ARMC9: variants seen among roughly 807,000 people sequenced by gnomAD.
ARMC9 encodes armadillo repeat containing 9, also known as lisH domain-containing protein ARMC9.
In ARMC9, 94 loss-of-function variants were observed where a neutral mutation model predicts 107.0. The ratio of observed to expected loss-of-function variants is 0.88; its 90% confidence interval spans 0.74 to 1.04. ARMC9 has a LOEUF of 1.04. Among genes scored for constraint, ARMC9 ranks in the 50% least tolerant of loss-of-function variants. The pLI is 0.00. For missense variants in ARMC9, 942 were observed against 1,030.1 expected (o/e 0.91, Z 1.17); for synonymous variants, 380 against 396.9 (o/e 0.96, Z 0.51).
chr2:231,370,889 C>T (rs564745022), intron 24 of ARMC9, among the ~76,000 whole-genome samples: 7 of 152,362 alleles, frequency 4.6e-5, no homozygotes, highest in East Asian at 1.9e-4. Context: ...TTAGGATATG[C>T]GCATTTCTTT....
chr2:231,250,987 G>A (rs554902979), intron 9 of ARMC9, among the ~76,000 whole-genome samples: 1 of 152,250 alleles, frequency 6.6e-6, no homozygotes, highest in African/African-American at 2.4e-5. Context: ...CTCAGTAAAT[G>A]TCAGTGAGTA....
intron 19 of ARMC9, among the ~76,000 whole-genome samples, chr2:231,308,783 C>T (rs1407414134): frequency 6.6e-6 from 1 of 152,168 alleles, no homozygotes; most frequent in East Asian, 1.9e-4. Flanking sequence ...TCTCTTCGGC[C>T]ACCTTCATAC....
chr2:231,318,714 T>G (rs2042840788), intron 19 of ARMC9, among the ~76,000 whole-genome samples: 1 of 152,228 alleles, frequency 6.6e-6, no homozygotes. Context: ...CTGCCATTGG[T>G]CATTTTCCAG....
At chr2:231,279,680 T>G (rs997465102) in intron 16 of ARMC9, among the ~76,000 whole-genome samples, 17 of 151,866 alleles carry the variant, frequency 1.1e-4, no homozygotes, top group Admixed American at 3.3e-4. Flanking sequence ...CTGGCTAATT[T>G]TTTGTATTTT....
chr2:231,209,009 C>G (rs1366885735), intron 3 of ARMC9, among the ~76,000 whole-genome samples: 1 of 152,098 alleles, frequency 6.6e-6, no homozygotes, highest in African/African-American at 2.4e-5. Flanking sequence ...TCAAGCGATT[C>G]TCCTGCCTCA....
At chr2:231,368,075 A>G in intron 23 of ARMC9, among the ~76,000 whole-genome samples, 1 of 152,286 alleles carries the variant, frequency 6.6e-6, no homozygotes, top group South Asian at 2.1e-4. Context: ...TTTGAACCAA[A>G]TAATTTTAAA....
intron 17 of ARMC9, among the ~76,000 whole-genome samples, chr2:231,283,325 A>G (rs1268816959): frequency 6.6e-6 from 1 of 152,246 alleles, no homozygotes; most frequent in Non-Finnish European, 1.5e-5. Flanking sequence ...ACGTAACAGT[A>G]AGGTGTCTAG....
chr2:231,352,665 A>G (rs146005009), intron 21 of ARMC9, among the ~76,000 whole-genome samples: 2 of 7,564 alleles, frequency 2.6e-4, no homozygotes, highest in African/African-American at 3.0e-3. Context: ...TTCACAGGAT[A>G]GATAGATAGA....
intron 18 of ARMC9, 174 bp from the exon 19 acceptor site, chr2:231,296,024 G>A: frequency 2.3e-6 from 1 of 430,150 alleles, no homozygotes; most frequent in Non-Finnish European, 4.1e-6. Context: ...AATTGCTTAG[G>A]ATGATCTCAG....
At chr2:231,248,274 C>T (rs1288377722) in intron 9 of ARMC9, among the ~76,000 whole-genome samples, 1 of 152,174 alleles carries the variant, frequency 6.6e-6, no homozygotes, top group Admixed American at 6.5e-5. Context: ...CCATAGTTCC[C>T]TCTTGGCTTA....
chr2:231,201,370 C>CA (rs530997194), intron 1 of ARMC9, among the ~76,000 whole-genome samples: 173 of 152,364 alleles, frequency 1.1e-3, no homozygotes, highest in African/African-American at 3.8e-3. Flanking sequence ...TTGGAGCCTC[C>CA]AGCACCCGGC....
rs554741559 is a variant in ARMC9 at position 231,246,532 on chromosome 2, C to T, written c.879+6491C>T. On this transcript the variant is annotated intron_variant, in intron 9 of 24. Transcript: ENST00000611582. Reference sequence around the variant, plus strand: ...CATCCATGTTGCTACAAAGGACATGCTTTTGTTCTTTTTTATGGTTTCGTA... The same window carrying T: ...CATCCATGTTGCTACAAAGGACATGTTTTTGTTCTTTTTTATGGTTTCGTA... Among the ~76,000 whole-genome samples the T allele has an allele frequency of 2.6e-5, 4 of 152,236 alleles. No homozygotes were observed. In the East Asian group the frequency reaches 7.7e-4, roughly 29 times the overall value.
At chr2:231,330,213 A>G (rs1043772128) in intron 19 of ARMC9, among the ~76,000 whole-genome samples, 3 of 143,614 alleles carry the variant, frequency 2.1e-5, no homozygotes, top group Non-Finnish European at 4.5e-5. Context: ...TAGCGTGTTC[A>G]ATTTTCTTTT....
At chr2:231,265,103 A>G (rs2038736414) in intron 12 of ARMC9, among the ~76,000 whole-genome samples, 1 of 152,114 alleles carries the variant, frequency 6.6e-6, no homozygotes, top group East Asian at 1.9e-4. Flanking sequence ...TCTCAAAAAA[A>G]AAAAAGAAGA....
At chr2:231,316,812 G>T (rs906759013) in intron 19 of ARMC9, among the ~76,000 whole-genome samples, 1 of 152,120 alleles carries the variant, frequency 6.6e-6, no homozygotes, top group Non-Finnish European at 1.5e-5. Context: ...ACCCAAGCTG[G>T]AGTACAGTGG....
rs770225857 is a variant in ARMC9, at chr2:231,350,946, C to CTTTTTTTTTTTTTTTTTTT, written c.1995-4840_1995-4822dup. Among the ~76,000 whole-genome samples, 4 of 50,598 alleles carry CTTTTTTTTTTTTTTTTTTT rather than the reference C, an allele frequency of 7.9e-5. 1 individual carries two copies. The highest frequency in any genetic ancestry group is 4.0e-4 in the African/African-American group (4 of 10,074). 33.2% of individuals were successfully genotyped at this position (50,598 alleles called of 152,430 possible). A position where few individuals can be genotyped will look rare whatever the true frequency, so the allele number is the denominator to read the frequency against. The stretch of plus-strand genomic sequence containing the variant: ...ATCCTATTTGCACAAAGTGACAATT[C>CTTTTTTTTTTTTTTTTTTT]TTTTTTTTTTTTTTTTTTTTTTTTT... On this transcript the variant is annotated intron_variant, in intron 21 of 24. Transcript: ENST00000611582.
intron 17 of ARMC9, 38 bp downstream of exon 17, chr2:231,282,171 T>C (rs2040265736): frequency 6.2e-7 from 1 of 1,600,418 alleles, no homozygotes; most frequent in South Asian, 1.1e-5. Flanking sequence ...GAGCTTCCTT[T>C]AGTGCCACAG....
At chr2:231,275,992 T>C (rs2039719101) in intron 14 of ARMC9, among the ~76,000 whole-genome samples, 1 of 152,070 alleles carries the variant, frequency 6.6e-6, no homozygotes, top group African/African-American at 2.4e-5. Context: ...CAAAGAAGTA[T>C]TTCTATGGTC....
intron 18 of ARMC9, among the ~76,000 whole-genome samples, chr2:231,292,754 G>A (rs562346943): frequency 7.2e-5 from 11 of 152,318 alleles, no homozygotes; most frequent in African/African-American, 1.9e-4. Context: ...AGTCACATGC[G>A]TGAATCCCTT....
Sources: allele counts gnomAD v4.1 joint callset (sites outside exome capture counted in the v4.1 genomes callset), GRCh38; gene constraint gnomAD v4.1.1; transcripts MANE v1.5; gene names NCBI Gene and HGNC (gene_info 2026-07-23, HGNC 2026-07-21).